Variants in WDFY4 observed in about 807,000 individuals in gnomAD.
WDFY4 encodes the protein WD repeat- and FYVE domain-containing protein 4.
Under a neutral mutation model 351.9 loss-of-function variants are expected in WDFY4, and 169 were observed. The ratio of observed to expected loss-of-function variants is 0.48; its 90% confidence interval spans 0.42 to 0.55. The LOEUF (loss-of-function observed/expected upper bound fraction) is 0.55. Ranked by LOEUF, WDFY4 falls within the 20% of genes least tolerant of loss-of-function variation. The pLI is 0.00. For missense variants in WDFY4, 3,803 were observed against 3,935.6 expected (o/e 0.97, Z 0.90); for synonymous variants, 1,622 against 1,574.6 (o/e 1.03, Z -0.71).
chr10:48,823,403 C>T, intron 35 of WDFY4: 7 of 1,210,702 alleles, frequency 5.8e-6, no homozygotes, highest in Non-Finnish European at 7.3e-6. Flanking sequence ...ATTAGGAGGA[C>T]CACTCTCCTT....
Position 48,966,640 on chromosome 10 carries a change from C to A in WDFY4, c.8551C>A (p.Gln2851Lys), listed in dbSNP as rs1216438391. 6 of 1,551,692 alleles carry A rather than the reference C, an allele frequency of 3.9e-6. No individual in the cohort carries two copies. In the Admixed American group the frequency reaches 9.8e-5, roughly 25 times the overall value. Reference sequence around the variant, plus strand: ...CCCACAGCCCTTTTTCTACAGCCTGCAGTCGCTGAGGCCCTCCCAGGTCAC... The same window carrying A: ...CCCACAGCCCTTTTTCTACAGCCTGAAGTCGCTGAGGCCCTCCCAGGTCAC... ...GHPQPFFYSL[Q>K]SLRPSQVTVK... The change falls in exon 55 of 62, where the codon CAG (glutamine) becomes AAG (lysine). Residue 2851 changes from glutamine (Q) to lysine (K), a missense_variant. Transcript: ENST00000325239.
chr10:48,826,630 C>A, intron 35 of WDFY4, 41 bp from the exon 36 acceptor site: 1 of 1,461,238 alleles, frequency 6.8e-7, no homozygotes, highest in Non-Finnish European at 9.4e-7. Context: ...TTGTAAAGCA[C>A]TCACAAGTTT....
intron 30 of WDFY4, among the ~76,000 whole-genome samples, chr10:48,812,251 G>T (rs1380406391): frequency 6.7e-6 from 1 of 148,256 alleles, no homozygotes; most frequent in Non-Finnish European, 1.5e-5. Context: ...GTGCAGTGGC[G>T]TGATCTCGGC....
chr10:48,896,182 G>T (rs1837067404), intron 44 of WDFY4, among the ~76,000 whole-genome samples: 1 of 152,170 alleles, frequency 6.6e-6, no homozygotes. Flanking sequence ...GCCTTTGTAT[G>T]GTCTGCAGGG....
chr10:48,969,099 A>G lies in WDFY4; in HGVS notation c.8620A>G (p.Lys2874Glu), dbSNP rs764120141. The change falls in exon 56 of 62, where the codon AAA becomes GAA. Residue 2874 changes from lysine (K) to glutamate (E), a missense_variant. By Grantham distance (56) the Lys-to-Glu change is moderately conservative (BLOSUM62 1). Coordinates refer to ENST00000325239, the MANE Select transcript of WDFY4 (RefSeq NM_001394531.1). ...YLFSLGSESP[K>E]GAIGHIVSTE... is the part of the protein sequence containing the mutation. ...CTTTTCTCTAGGCTCAGAGTCCCCC[A>G]AAGGGGCCATTGGCCACATTGTCTC... The G allele has an allele frequency of 6.4e-7, 1 of 1,551,792 alleles. No homozygotes were observed. The highest frequency in any genetic ancestry group is 1.2e-5 in the South Asian group (1 of 84,068).
At chr10:48,880,200 C>T (rs2070189144) in intron 43 of WDFY4, among the ~76,000 whole-genome samples, 1 of 152,196 alleles carries the variant, frequency 6.6e-6, no homozygotes, top group Non-Finnish European at 1.5e-5. Flanking sequence ...CCTGGCTAGG[C>T]TGAAGTTTAT....
intron 14 of WDFY4, among the ~76,000 whole-genome samples, chr10:48,775,203 G>C (rs2065991334): frequency 6.6e-6 from 1 of 152,222 alleles, no homozygotes; most frequent in Admixed American, 6.5e-5. Context: ...GCAGGGAGCA[G>C]ACGTGGAAGA....
chr10:48,873,467 G>A, intron 40 of WDFY4, 24 bp from the exon 41 acceptor site: 1 of 1,528,990 alleles, frequency 6.5e-7, no homozygotes, highest in Non-Finnish European at 8.8e-7. Flanking sequence ...ATGTATCCAG[G>A]GTGACTCTGT....
At position 48,774,554 on chromosome 10, in the gene WDFY4, G is replaced by A; in HGVS notation, c.2650G>A (p.Gly884Arg). The A allele has an allele frequency of 1.3e-6, 2 of 1,551,632 alleles. No homozygotes were observed. The highest frequency in any genetic ancestry group is 8.7e-7 in the Non-Finnish European group (1 of 1,146,932). Residue 884 changes from glycine (G) to arginine (R), a missense_variant, in exon 14 of 62, where the codon GGG becomes AGG. Physicochemically the swap from Gly to Arg is moderately radical, Grantham distance 125. This residue lies in a region of WDFY4 where 3,054 missense variants were observed against 3,148.6 expected (regional missense o/e 0.97). Transcript: ENST00000325239. The part of the protein sequence containing the change: ...RQVMCEAGLL[G>R]TLMASCHRAL... ...GGTCATGTGCGAAGCAGGCTTGCTT[G>A]GGACCCTCATGGCCTCCTGCCACAG...
At chr10:48,969,397 A>G in intron 56 of WDFY4, 149 bp downstream of exon 56, 1 of 1,033,810 alleles carries the variant, frequency 9.7e-7, no homozygotes, top group Non-Finnish European at 1.4e-6. Flanking sequence ...GAAAGGACTC[A>G]GTGACCATGC....
At chr10:48,725,192 A>G (rs2064225363) in intron 5 of WDFY4, among the ~76,000 whole-genome samples, 1 of 152,224 alleles carries the variant, frequency 6.6e-6, no homozygotes, top group Non-Finnish European at 1.5e-5. Flanking sequence ...TCTCTGTATC[A>G]GACTAGAAGG....
In WDFY4 at chr10:48,880,226, T is replaced by C. The variant is rs1466121550; in HGVS notation, c.7167+3027T>C. On this transcript the variant is annotated intron_variant, in intron 43 of 61. Transcript: ENST00000325239. Reference sequence around the variant, plus strand: ...TGAAGTTTATGGTCAGGGACCCGAGTGAGTCCCAGCCCCGCCTCTTGCAGC... The same window carrying C: ...TGAAGTTTATGGTCAGGGACCCGAGCGAGTCCCAGCCCCGCCTCTTGCAGC... Among the ~76,000 whole-genome samples, 5 of 152,142 alleles carry C rather than the reference T, an allele frequency of 3.3e-5. No individual in the cohort carries two copies. In the East Asian group the frequency reaches 9.7e-4, roughly 29 times the overall value.
chr10:48,810,885 G>A (rs943047266), intron 29 of WDFY4, 150 bp downstream of exon 29: 3 of 804,016 alleles, frequency 3.7e-6, no homozygotes, highest in Non-Finnish European at 5.5e-6. Context: ...ACATCCAAAT[G>A]AGCCCAGCCC....
chr10:48,982,501 T>C lies in WDFY4; in HGVS notation c.9489-8T>C. ...CTAACGTTCTTGTCTTTTCTTTCTC[T>C]TCCCAAGAAACCACACCAAACTCCT... On this transcript the variant is annotated splice_polypyrimidine_tract_variant and splice_region_variant and intron_variant, in intron 61 of 61. Coordinates refer to ENST00000325239, the MANE Select transcript of WDFY4 (RefSeq NM_001394531.1). The C allele has an allele frequency of 1.3e-6, 2 of 1,502,868 alleles. No homozygotes were observed. The highest frequency in any genetic ancestry group is 1.8e-6 in the Non-Finnish European group (2 of 1,121,318). 93.1% of individuals were successfully genotyped at this position (1,502,868 alleles called of 1,614,324 possible). A position where few individuals can be genotyped will look rare whatever the true frequency, so the allele number is the denominator to read the frequency against.
chr10:48,827,533 C>T (rs1159492040), intron 36 of WDFY4, among the ~76,000 whole-genome samples: 7 of 146,452 alleles, frequency 4.8e-5, no homozygotes, highest in South Asian at 2.3e-4. Context: ...TCTCTCTCTC[C>T]GTGTCAGTGT....
intron 45 of WDFY4, 68 bp from the exon 46 acceptor site, chr10:48,900,153 C>T (rs1349996695): frequency 5.8e-6 from 8 of 1,390,028 alleles, no homozygotes; most frequent in Middle Eastern, 1.8e-4. Flanking sequence ...TTTCCAGCAG[C>T]TGTGTCACCC....
At chr10:48,691,041 A>T (rs1426374391) in intron 1 of WDFY4, among the ~76,000 whole-genome samples, 1 of 152,106 alleles carries the variant, frequency 6.6e-6, no homozygotes, top group Non-Finnish European at 1.5e-5. Context: ...GCCAAGGGAT[A>T]CCTGAAGGCC....
At chr10:48,753,617 G>A (rs1748821673) in intron 12 of WDFY4, among the ~76,000 whole-genome samples, 1 of 152,174 alleles carries the variant, frequency 6.6e-6, no homozygotes. Flanking sequence ...TAGTTGAAGA[G>A]TCCCTTCTTA....
chr10:48,787,458 C>T (rs1376903882), intron 20 of WDFY4, among the ~76,000 whole-genome samples: 2 of 152,198 alleles, frequency 1.3e-5, no homozygotes, highest in Non-Finnish European at 2.9e-5. Flanking sequence ...AGCAATGGGA[C>T]GAGGTCAGGT....
Sources: allele counts gnomAD v4.1 joint callset (sites outside exome capture counted in the v4.1 genomes callset), GRCh38; gene constraint gnomAD v4.1.1; regional missense constraint gnomAD v4.1.1; transcripts MANE v1.5; gene names NCBI Gene and HGNC (gene_info 2026-07-23, HGNC 2026-07-21).